The following DCC variants were observed in gnomAD, a reference collection of about 807,000 sequenced individuals.
DCC encodes DCC netrin 1 receptor, also known as netrin receptor DCC.
A neutral mutation model predicts 172.5 loss-of-function variants in DCC; 58 were observed. That is an observed-to-expected ratio of 0.34 (90% CI 0.27 to 0.42). The LOEUF (loss-of-function observed/expected upper bound fraction) is 0.42, where lower values mean the gene tolerates loss of function less well. DCC is among the 10% of genes least tolerant of loss of function. DCC has a pLI of 1.00. For synonymous variants in DCC, 709 were observed against 644.5 expected, an observed-to-expected ratio of 1.10 and a Z score of -1.52; for missense variants, 1,740 against 1,791.0, an observed-to-expected ratio of 0.97 and a Z score of 0.51.
intron 2 of DCC, among the ~76,000 whole-genome samples, chr18:52,893,166 CTTTT>C (rs899781745): frequency 1.8e-4 from 28 of 151,722 alleles, no homozygotes; most frequent in Admixed American, 1.6e-3. Context: ...TAGGCTTCTC[CTTTT>C]TTTTGTCTCT....
intron 1 of DCC, among the ~76,000 whole-genome samples, chr18:52,483,121 C>G (rs1016955298): frequency 1.3e-5 from 2 of 152,074 alleles, no homozygotes; most frequent in African/African-American, 4.8e-5. Flanking sequence ...CTTCATATGG[C>G]CTTCTCTCCT....
intron 1 of DCC, among the ~76,000 whole-genome samples, chr18:52,642,047 CTGTGGTGTGTGTGTGT>C (rs1568269710): frequency 3.0e-5 from 2 of 65,730 alleles, no homozygotes; most frequent in South Asian, 6.2e-4. Flanking sequence ...TATATATATA[CTGTGGTGTGTGTGTGT>C]ATATATATAT....
chr18:52,379,530 T>C (rs1032873502), intron 1 of DCC, among the ~76,000 whole-genome samples: 1 of 152,222 alleles, frequency 6.6e-6, no homozygotes, highest in Admixed American at 6.5e-5. Context: ...TCAGCTATAA[T>C]TAATATTAGC....
chr18:53,513,468 A>C (rs1044549819), intron 27 of DCC, among the ~76,000 whole-genome samples: 6 of 152,242 alleles, frequency 3.9e-5, no homozygotes, highest in African/African-American at 1.4e-4. Flanking sequence ...TAACAATATT[A>C]ACTTTAAATG....
chr18:53,010,742 CTGTTA>C (rs578015308), intron 5 of DCC, among the ~76,000 whole-genome samples: 4 of 150,566 alleles, frequency 2.7e-5, no homozygotes, highest in Admixed American at 6.6e-5. Flanking sequence ...GATATACTTT[CTGTTA>C]TATTTCAATA....
intron 8 of DCC, among the ~76,000 whole-genome samples, chr18:53,171,980 C>T (rs1489500308): frequency 6.6e-6 from 1 of 152,010 alleles, no homozygotes; most frequent in Non-Finnish European, 1.5e-5. Context: ...TTAGGAGATT[C>T]CTGAAAGAAC....
chr18:52,935,583 T>C (rs1434947536), intron 5 of DCC, among the ~76,000 whole-genome samples: 1 of 152,060 alleles, frequency 6.6e-6, no homozygotes, highest in Admixed American at 6.6e-5. Context: ...TTTAATTTTA[T>C]TTTTTACGGA....
intron 7 of DCC, among the ~76,000 whole-genome samples, chr18:53,098,295 C>T (rs1114415): frequency 3.3e-5 from 5 of 152,020 alleles, no homozygotes; most frequent in Middle Eastern, 3.4e-3. Flanking sequence ...CTTATGTTCT[C>T]TTTTTACAGA....
At chr18:53,298,708 A>G (rs956666032) in intron 12 of DCC, among the ~76,000 whole-genome samples, 10 of 152,208 alleles carry the variant, frequency 6.6e-5, no homozygotes, top group African/African-American at 1.9e-4. Flanking sequence ...TGTAGTCTTC[A>G]GAAGGTGGCC....
At chr18:53,124,804 A>G (rs1234267239) in intron 7 of DCC, among the ~76,000 whole-genome samples, 1 of 152,024 alleles carries the variant, frequency 6.6e-6, no homozygotes, top group East Asian at 1.9e-4. Context: ...CATCTCTACA[A>G]AAAATACAAA....
At chr18:53,367,833 G>A (rs1383710481) in intron 15 of DCC, among the ~76,000 whole-genome samples, 1 of 152,110 alleles carries the variant, frequency 6.6e-6, no homozygotes, top group Non-Finnish European at 1.5e-5. Flanking sequence ...ATTAATCTGT[G>A]TTAAAGCATG....
chr18:52,524,232 T>C (rs1026577212), intron 1 of DCC, among the ~76,000 whole-genome samples: 5 of 152,232 alleles, frequency 3.3e-5, no homozygotes, highest in African/African-American at 1.2e-4. Flanking sequence ...CAGAATAATC[T>C]TAAGAAGCTT....
At chr18:53,258,629 C>T (rs2056553848) in intron 12 of DCC, among the ~76,000 whole-genome samples, 1 of 152,114 alleles carries the variant, frequency 6.6e-6, no homozygotes, top group Admixed American at 6.5e-5. Flanking sequence ...TCTTTACTTC[C>T]AACTATGTGG....
chr18:52,979,292 T>C (rs2041169601), intron 5 of DCC, among the ~76,000 whole-genome samples: 2 of 152,150 alleles, frequency 1.3e-5, no homozygotes, highest in Non-Finnish European at 2.9e-5. Context: ...GACTATCTCT[T>C]CCTGGGAGAT....
At chr18:53,360,498 T>C (rs751166273) in intron 15 of DCC, among the ~76,000 whole-genome samples, 87 of 152,130 alleles carry the variant, frequency 5.7e-4, no homozygotes, top group Non-Finnish European at 3.2e-4. Context: ...TCAATAGGAA[T>C]GACATTTCCC....
intron 1 of DCC, among the ~76,000 whole-genome samples, chr18:52,597,674 A>T (rs952188531): frequency 6.6e-6 from 1 of 152,236 alleles, no homozygotes; most frequent in Non-Finnish European, 1.5e-5. Context: ...AAAGTCAGGA[A>T]CCAGAGGAAA....
chr18:52,963,928 C>G (rs1488249870), intron 5 of DCC, among the ~76,000 whole-genome samples: 2 of 151,440 alleles, frequency 1.3e-5, no homozygotes, highest in Non-Finnish European at 2.9e-5. Context: ...TTATTTAGTG[C>G]TTACCTTGCA....
chr18:52,955,592 A>C (rs1373715830), intron 5 of DCC, among the ~76,000 whole-genome samples: 1 of 152,030 alleles, frequency 6.6e-6, no homozygotes, highest in East Asian at 1.9e-4. Flanking sequence ...TCATATGTGA[A>C]GAGTATGTTT....
chr18:53,487,527 CTCT>C (rs1355142936), intron 26 of DCC, among the ~76,000 whole-genome samples: 1 of 115,810 alleles, frequency 8.6e-6, no homozygotes, highest in African/African-American at 3.2e-5. Context: ...TGCCATTTGA[CTCT>C]TTTTTTTTTT....
Sources: allele counts gnomAD v4.1 joint callset (sites outside exome capture counted in the v4.1 genomes callset), GRCh38; gene constraint gnomAD v4.1.1; transcripts MANE v1.5; gene names NCBI Gene and HGNC (gene_info 2026-07-23, HGNC 2026-07-21).